Variants in CTNNA3 observed in about 807,000 individuals in gnomAD.
CTNNA3 encodes catenin alpha-3.
A neutral mutation model predicts 95.7 loss-of-function variants in CTNNA3; 76 were observed. The observed-to-expected ratio is 0.79, with a 90% CI of 0.66 to 0.96. The LOEUF (loss-of-function observed/expected upper bound fraction) is 0.96. Ranked by LOEUF, CTNNA3 falls within the 40% of genes least tolerant of loss-of-function variation. The pLI is 0.00. For missense variants in CTNNA3, 1,191 were observed against 1,089.8 expected (o/e 1.09, Z -1.31); for synonymous variants, 431 against 374.4 (o/e 1.15, Z -1.74).
intron 16 of CTNNA3, among the ~76,000 whole-genome samples, chr10:65,974,423 A>G (rs1292090095): frequency 6.6e-6 from 1 of 152,212 alleles, no homozygotes; most frequent in Admixed American, 6.5e-5. Context: ...GGAATGAATG[A>G]AATTATGTCT....
At chr10:66,513,487 G>A (rs1840732880) in intron 11 of CTNNA3, among the ~76,000 whole-genome samples, 1 of 152,200 alleles carries the variant, frequency 6.6e-6, no homozygotes, top group Admixed American at 6.5e-5. Flanking sequence ...TCCCTGGGGA[G>A]TGCACACGCA....
chr10:67,520,197 T>C (rs780283832), intron 5 of CTNNA3, among the ~76,000 whole-genome samples: 2 of 152,210 alleles, frequency 1.3e-5, no homozygotes, highest in Non-Finnish European at 2.9e-5. Flanking sequence ...ATTTAATAAA[T>C]AGTATAGATG....
At chr10:66,142,022 C>G (rs954064365) in intron 13 of CTNNA3, among the ~76,000 whole-genome samples, 1 of 152,140 alleles carries the variant, frequency 6.6e-6, no homozygotes, top group Admixed American at 6.5e-5. Flanking sequence ...TAAAGTCCAG[C>G]TTATCAATGC....
At chr10:67,708,854 C>G (rs1015379658) in intron 1 of CTNNA3, among the ~76,000 whole-genome samples, 1 of 152,036 alleles carries the variant, frequency 6.6e-6, no homozygotes, top group Admixed American at 6.6e-5. Flanking sequence ...CCCATCAGAA[C>G]TTATACTCTC....
At chr10:67,595,684 T>C (rs1243001198) in intron 3 of CTNNA3, among the ~76,000 whole-genome samples, 5 of 152,180 alleles carry the variant, frequency 3.3e-5, no homozygotes, top group African/African-American at 4.8e-5. Context: ...TGAATATCTT[T>C]GTTAGTTTTC....
At chr10:67,703,734 C>T (rs1841059673) in intron 1 of CTNNA3, among the ~76,000 whole-genome samples, 1 of 152,236 alleles carries the variant, frequency 6.6e-6, no homozygotes, top group Admixed American at 6.5e-5. Context: ...GATGCCCTCT[C>T]TCACCACTGC....
chr10:67,686,335 CT>C (rs1306450343), intron 1 of CTNNA3, among the ~76,000 whole-genome samples: 1 of 152,176 alleles, frequency 6.6e-6, no homozygotes, highest in African/African-American at 2.4e-5. Flanking sequence ...CACAAATGAA[CT>C]TTCATCGGTA....
intron 5 of CTNNA3, among the ~76,000 whole-genome samples, chr10:67,303,740 T>C (rs1840422513): frequency 6.6e-6 from 1 of 152,176 alleles, no homozygotes; most frequent in Non-Finnish European, 1.5e-5. Context: ...CAGGGATTGT[T>C]ACTATTATTC....
rs189407508 is a variant in CTNNA3, at chr10:66,599,611, T to C, written c.1374+22081A>G. Among the ~76,000 whole-genome samples the C allele has an allele frequency of 3.3e-5, 5 of 151,982 alleles. No individual in the cohort carries two copies. The East Asian group carries it at 9.7e-4, about 29-fold the overall frequency. On this transcript the variant is annotated intron_variant, in intron 10 of 17. Transcript: ENST00000433211. Reference sequence around the variant, plus strand: ...AGCCTCTGAAAACTCATTACAGGTGTTTTTCTTTTCTTCTTCTACTTTTTT... The same window carrying C: ...AGCCTCTGAAAACTCATTACAGGTGCTTTTCTTTTCTTCTTCTACTTTTTT...
chr10:66,012,776 A>C (rs2079028919), intron 15 of CTNNA3, among the ~76,000 whole-genome samples: 1 of 152,132 alleles, frequency 6.6e-6, no homozygotes, highest in Non-Finnish European at 1.5e-5. Flanking sequence ...GGGGCCCATA[A>C]CTCCATGGGA....
At chr10:66,289,260 G>C (rs995573618) in intron 12 of CTNNA3, among the ~76,000 whole-genome samples, 2 of 146,084 alleles carry the variant, frequency 1.4e-5, no homozygotes, top group African/African-American at 5.1e-5. Flanking sequence ...GGAAGCATAA[G>C]AGCTTCCTAT....
chr10:67,526,751 T>C (rs1343208637), intron 4 of CTNNA3, among the ~76,000 whole-genome samples: 1 of 152,254 alleles, frequency 6.6e-6, no homozygotes, highest in African/African-American at 2.4e-5. Flanking sequence ...TATAGGTTAC[T>C]GCTTTATAAA....
chr10:66,290,063 G>A (rs577939211), intron 12 of CTNNA3, among the ~76,000 whole-genome samples: 2 of 152,150 alleles, frequency 1.3e-5, no homozygotes, highest in Admixed American at 1.3e-4. Context: ...GTAGATGACT[G>A]GATGGCTAGG....
intron 5 of CTNNA3, among the ~76,000 whole-genome samples, chr10:67,319,494 T>C (rs1460816291): frequency 6.6e-6 from 1 of 152,188 alleles, no homozygotes. Context: ...TGCAAAATTT[T>C]GCAATTAATT....
intron 12 of CTNNA3, among the ~76,000 whole-genome samples, chr10:66,377,758 A>T (rs1564910180): frequency 6.6e-6 from 1 of 152,136 alleles, no homozygotes; most frequent in Admixed American, 6.6e-5. Flanking sequence ...TTTGACCAAC[A>T]TGAAAGGAGT....
intron 7 of CTNNA3, among the ~76,000 whole-genome samples, chr10:66,800,405 T>C (rs924924085): frequency 6.6e-6 from 1 of 151,208 alleles, no homozygotes; most frequent in Non-Finnish European, 1.5e-5. Flanking sequence ...CATGGAATTA[T>C]AGGTTTTATA....
At chr10:66,960,826 G>C (rs115033475) in intron 7 of CTNNA3, among the ~76,000 whole-genome samples, 4,675 of 152,166 alleles carry the variant, frequency 0.031, 239 homozygotes, top group African/African-American at 0.11. Context: ...GGGATGGTAG[G>C]GTTAGGAATA....
intron 1 of CTNNA3, among the ~76,000 whole-genome samples, chr10:67,712,931 A>C (rs1841120266): frequency 6.6e-6 from 1 of 152,204 alleles, no homozygotes; most frequent in Non-Finnish European, 1.5e-5. Context: ...AAAATTGATA[A>C]ATTGATCTAA....
chr10:67,364,173 A>G (rs1449572614), intron 5 of CTNNA3, among the ~76,000 whole-genome samples: 1 of 152,198 alleles, frequency 6.6e-6, no homozygotes, highest in Non-Finnish European at 1.5e-5. Flanking sequence ...GGTTCAACAT[A>G]TGCAAATCAA....
Sources: allele counts gnomAD v4.1 joint callset (sites outside exome capture counted in the v4.1 genomes callset), GRCh38; gene constraint gnomAD v4.1.1; transcripts MANE v1.5; gene names NCBI Gene and HGNC (gene_info 2026-07-23, HGNC 2026-07-21).